KAT2B: variants seen among roughly 807,000 people sequenced by gnomAD.
The protein encoded by KAT2B is histone acetyltransferase KAT2B.
Under a neutral mutation model 105.9 loss-of-function variants are expected in KAT2B, and 36 were observed. The ratio of observed to expected loss-of-function variants is 0.34; its 90% CI spans 0.26 to 0.45. KAT2B has a LOEUF of 0.45. KAT2B is among the 20% of genes least tolerant of loss of function. The probability of loss-of-function intolerance (pLI) is 1.00; values close to 1 mark genes in which losing one functional copy is unlikely to be tolerated. For missense variants in KAT2B, 820 were observed against 1,021.6 expected, an observed-to-expected ratio of 0.80 and a Z score of 2.69; for synonymous variants, 397 against 377.9, an observed-to-expected ratio of 1.05 and a Z score of -0.59.
intron 7 of KAT2B, among the ~76,000 whole-genome samples, chr3:20,116,434 G>A (rs1156695809): frequency 1.3e-5 from 2 of 152,068 alleles, no homozygotes; most frequent in African/African-American, 4.8e-5. Flanking sequence ...GCAGCACAAT[G>A]GAATCACCCA....
intron 5 of KAT2B, among the ~76,000 whole-genome samples, chr3:20,102,259 T>C (rs1380721394): frequency 4.6e-5 from 7 of 152,108 alleles, no homozygotes; most frequent in Non-Finnish European, 1.0e-4. Flanking sequence ...GAGTTTGCAG[T>C]GAACTGAGAT....
intron 2 of KAT2B, among the ~76,000 whole-genome samples, chr3:20,076,360 GTTTC>G (rs1215057025): frequency 6.6e-6 from 1 of 151,980 alleles, no homozygotes; most frequent in African/African-American, 2.4e-5. Context: ...TTTCTTCCTT[GTTTC>G]TTCTCTATTC....
chr3:20,082,025 G>A (rs1033395657), intron 2 of KAT2B, among the ~76,000 whole-genome samples: 2 of 151,600 alleles, frequency 1.3e-5, no homozygotes, highest in Non-Finnish European at 2.9e-5. Context: ...TCAATATACA[G>A]TTCCTAATAA....
rs550166293 is a variant in KAT2B, at chr3:20,145,554, G to GTTTTTTTT, written c.2005-744_2005-737dup. The stretch of plus-strand genomic sequence containing the variant: ...TTAATTTCCGGATGGGATTTTTTTA[G>GTTTTTTTT]TTTTTTTTTTTTTTTTTTTTTTTTT... On this transcript the variant is annotated intron_variant, in intron 13 of 17. Transcript: ENST00000263754. 3.8e-3 allele frequency among the ~76,000 whole-genome samples: 354 copies of GTTTTTTTT among 92,030 alleles called. 11 individuals carry two copies. Among genetic ancestry groups the GTTTTTTTT allele is most frequent in the Admixed American group, 6.9e-3 (50 of 7,280 alleles). 60.4% of individuals were successfully genotyped at this position (92,030 alleles called of 152,430 possible).
chr3:20,074,909 T>C (rs1376647180), intron 2 of KAT2B, among the ~76,000 whole-genome samples: 1 of 152,198 alleles, frequency 6.6e-6, no homozygotes, highest in Non-Finnish European at 1.5e-5. Flanking sequence ...AAATACAGGA[T>C]GCTGACTCAG....
intron 5 of KAT2B, among the ~76,000 whole-genome samples, chr3:20,110,048 C>G (rs6776870): frequency 0.18 from 28,066 of 151,910 alleles, 2,816 homozygotes; most frequent in East Asian, 0.32. Flanking sequence ...AAAAAAAAGT[C>G]AGGAGCATGA....
Position 20,040,482 on chromosome 3 carries a change from C to G in KAT2B, c.5C>G (p.Ser2Cys). The G allele has an allele frequency of 9.5e-7, 1 of 1,056,668 alleles. No individual in the cohort carries two copies. The highest frequency in any genetic ancestry group is 1.1e-6 in the Non-Finnish European group (1 of 878,016). 65.5% of individuals were successfully genotyped at this position (1,056,668 alleles called of 1,614,324 possible). Residue 2 changes from serine (S) to cysteine (C), a missense_variant, in exon 1 of 18, where the codon TCC (serine) becomes TGC (cysteine). This residue lies in a region of KAT2B where 190 missense variants were observed against 176.7 expected (regional missense o/e 1.08). Coordinates refer to ENST00000263754, the MANE Select transcript of KAT2B (RefSeq NM_003884.5). Reference sequence around the variant, plus strand: ...CCTGCCGTGCTCCGGGGCGGCATGTCCGAGGCTGGCGGGGCCGGGCCGGGC... The same window carrying G: ...CCTGCCGTGCTCCGGGGCGGCATGTGCGAGGCTGGCGGGGCCGGGCCGGGC... M[S>C]EAGGAGPGGC... is the part of the protein sequence containing the mutation.
At chr3:20,128,646 A>G (rs939837601) in intron 11 of KAT2B, among the ~76,000 whole-genome samples, 1 of 152,166 alleles carries the variant, frequency 6.6e-6, no homozygotes, top group Admixed American at 6.5e-5. Context: ...AAGAGCTCTC[A>G]TCTATACCTT....
chr3:20,044,428 A>T (rs1455887866), intron 1 of KAT2B, among the ~76,000 whole-genome samples: 1 of 150,874 alleles, frequency 6.6e-6, no homozygotes, highest in Non-Finnish European at 1.5e-5. Flanking sequence ...AAAAAAAAAT[A>T]AATAAATAAA....
intron 1 of KAT2B, among the ~76,000 whole-genome samples, chr3:20,063,445 T>C (rs529508801): frequency 8.6e-5 from 13 of 151,522 alleles, no homozygotes; most frequent in Admixed American, 5.3e-4. Context: ...TTCTTTCTTT[T>C]TTTTTCTTTT....
At chr3:20,052,652 TA>T (rs1483605454) in intron 1 of KAT2B, among the ~76,000 whole-genome samples, 1 of 133,292 alleles carries the variant, frequency 7.5e-6, no homozygotes, top group East Asian at 2.1e-4. Flanking sequence ...CCCCATCTCT[TA>T]AAAAAAAGAA....
At chr3:20,146,605 C>T (rs964955393) in intron 14 of KAT2B, 175 bp downstream of exon 14, 1 of 491,066 alleles carries the variant, frequency 2.0e-6, no homozygotes, top group East Asian at 3.2e-5. Context: ...TCCCTACCAC[C>T]CAATACAAAC....
At chr3:20,115,180 T>C (rs1460637784) in intron 7 of KAT2B, among the ~76,000 whole-genome samples, 192 bp downstream of exon 7, 1 of 152,256 alleles carries the variant, frequency 6.6e-6, no homozygotes, top group African/African-American at 2.4e-5. Context: ...AGTCTCAGTC[T>C]GACCTCTTAA....
intron 1 of KAT2B, among the ~76,000 whole-genome samples, chr3:20,043,829 CA>C (rs1321251242): frequency 1.7e-4 from 26 of 152,068 alleles, no homozygotes; most frequent in African/African-American, 5.8e-4. Context: ...TTAATATGAG[CA>C]AGCCCAAAAG....
At chr3:20,050,460 T>G (rs1391500685) in intron 1 of KAT2B, among the ~76,000 whole-genome samples, 2 of 152,192 alleles carry the variant, frequency 1.3e-5, no homozygotes, top group Non-Finnish European at 2.9e-5. Context: ...CTGGTAATCC[T>G]TATTCTGACT....
chr3:20,129,383 T>TG (rs1347741846), intron 11 of KAT2B, among the ~76,000 whole-genome samples: 2 of 151,504 alleles, frequency 1.3e-5, no homozygotes, highest in Admixed American at 6.6e-5. Flanking sequence ...GTCTTTTTTT[T>TG]TTTTTTTTTG....
intron 11 of KAT2B, among the ~76,000 whole-genome samples, chr3:20,130,781 C>T (rs1699495258): frequency 6.6e-6 from 1 of 151,998 alleles, no homozygotes; most frequent in African/African-American, 2.4e-5. Context: ...TTGTAAGTGA[C>T]TTGAAACTGT....
At chr3:20,044,521 T>G (rs1157527599) in intron 1 of KAT2B, among the ~76,000 whole-genome samples, 1 of 152,188 alleles carries the variant, frequency 6.6e-6, no homozygotes, top group Non-Finnish European at 1.5e-5. Context: ...AGGCCCTGCA[T>G]GGCCTGGCTA....
At chr3:20,122,430 A>T (rs996421822) in intron 8 of KAT2B, among the ~76,000 whole-genome samples, 1 of 152,192 alleles carries the variant, frequency 6.6e-6, no homozygotes, top group Admixed American at 6.5e-5. Flanking sequence ...TTAATATTTC[A>T]TGTATCTAGT....
Sources: allele counts gnomAD v4.1 joint callset (sites outside exome capture counted in the v4.1 genomes callset), GRCh38; gene constraint gnomAD v4.1.1; regional missense constraint gnomAD v4.1.1; transcripts MANE v1.5; gene names NCBI Gene and HGNC (gene_info 2026-07-23, HGNC 2026-07-21).